The following JMJD1C variants were observed in gnomAD, a reference collection of about 807,000 sequenced individuals.
JMJD1C encodes jumonji domain-containing protein 1C.
In JMJD1C, 31 loss-of-function variants were observed where a neutral mutation model predicts 245.3. The ratio of observed to expected loss-of-function variants is 0.13; its 90% CI spans 0.09 to 0.17. The LOEUF (loss-of-function observed/expected upper bound fraction) is 0.17. Among genes scored for constraint, JMJD1C ranks in the 10% least tolerant of loss-of-function variants. The probability of loss-of-function intolerance (pLI) is 1.00; values close to 1 mark genes in which losing one functional copy is unlikely to be tolerated. For synonymous variants in JMJD1C, 1,057 were observed against 1,017.4 expected (o/e 1.04, Z -0.74); for missense variants, 2,691 against 3,000.2 (o/e 0.90, Z 2.41).
intron 3 of JMJD1C, among the ~76,000 whole-genome samples, chr10:63,238,006 TAAAAAAAAAA>T (rs35736445): frequency 3.6e-5 from 1 of 27,602 alleles, no homozygotes; most frequent in African/African-American, 1.6e-4. Flanking sequence ...CCGTCTCTAC[TAAAAAAAAAA>T]AAAAAAAAAA....
chr10:63,194,392 C>A lies in JMJD1C; in HGVS notation c.5645-17G>T. ...GTTCTTTATCTGTAAGATAATAAAA[C>A]TTGTATATCACACTCATGGTTTCAT... On this transcript the variant is annotated splice_polypyrimidine_tract_variant and intron_variant, in intron 13 of 25. Transcript: ENST00000399262. The A allele has an allele frequency of 6.9e-7, 1 of 1,439,008 alleles. No homozygotes were observed. The allele number at this position is 1,439,008 out of a possible 1,614,324, so 89.1% of individuals were successfully genotyped here.
chr10:63,459,057 T>C (rs1460761346), intron 1 of JMJD1C, among the ~76,000 whole-genome samples: 3 of 152,200 alleles, frequency 2.0e-5, no homozygotes, highest in Non-Finnish European at 4.4e-5. Flanking sequence ...TATGGTAATA[T>C]AGTACAAGTC....
chr10:63,348,330 C>A (rs970300151), intron 2 of JMJD1C, among the ~76,000 whole-genome samples: 32 of 152,226 alleles, frequency 2.1e-4, no homozygotes, highest in Admixed American at 2.1e-3. Flanking sequence ...AGTCATCTCT[C>A]CAATCCATGA....
At chr10:63,389,141 T>C (rs1589647986) in intron 1 of JMJD1C, among the ~76,000 whole-genome samples, 1 of 151,878 alleles carries the variant, frequency 6.6e-6, no homozygotes, top group East Asian at 1.9e-4. Flanking sequence ...CTGGCCAACA[T>C]GGTGAAACCC....
chr10:63,263,638 T>C (rs568263330), intron 3 of JMJD1C, among the ~76,000 whole-genome samples: 6 of 152,200 alleles, frequency 3.9e-5, no homozygotes, highest in African/African-American at 1.4e-4. Context: ...AAACTCTAAA[T>C]ATACAAATGA....
chr10:63,442,970 C>G (rs1280689279), intron 1 of JMJD1C, among the ~76,000 whole-genome samples: 3 of 152,256 alleles, frequency 2.0e-5, no homozygotes, highest in South Asian at 2.1e-4. Flanking sequence ...CATCAGACTC[C>G]ACAGATTTAA....
chr10:63,419,184 G>C (rs779092411), intron 1 of JMJD1C, among the ~76,000 whole-genome samples: 3 of 151,072 alleles, frequency 2.0e-5, no homozygotes, highest in African/African-American at 7.3e-5. Flanking sequence ...TCAGGAGTTC[G>C]AGACCAGCCT....
intron 3 of JMJD1C, chr10:63,222,495 G>A: frequency 9.2e-7 from 1 of 1,086,348 alleles, no homozygotes; most frequent in Non-Finnish European, 1.4e-6. Flanking sequence ...GGAGAATGTG[G>A]ACTTGATTTT....
intron 2 of JMJD1C, among the ~76,000 whole-genome samples, chr10:63,350,505 T>G (rs1014522082): frequency 6.6e-6 from 1 of 152,208 alleles, no homozygotes; most frequent in African/African-American, 2.4e-5. Flanking sequence ...CTCACAACAT[T>G]ACTATGAAGT....
chr10:63,359,792 C>T (rs758055002), intron 2 of JMJD1C, among the ~76,000 whole-genome samples: 7 of 152,074 alleles, frequency 4.6e-5, no homozygotes, highest in Non-Finnish European at 7.4e-5. Flanking sequence ...TATAACTGCT[C>T]TTACAATTTA....
At chr10:63,289,369 T>C (rs1801530101) in intron 2 of JMJD1C, among the ~76,000 whole-genome samples, 1 of 152,228 alleles carries the variant, frequency 6.6e-6, no homozygotes, top group Non-Finnish European at 1.5e-5. Context: ...TAATGATTCA[T>C]TTTGCTAGGC....
intron 1 of JMJD1C, among the ~76,000 whole-genome samples, chr10:63,458,484 TAAA>T (rs766071325): frequency 7.1e-6 from 1 of 141,432 alleles, no homozygotes; most frequent in South Asian, 2.2e-4. Flanking sequence ...ACCCTGTCTT[TAAA>T]AAAAAAAAAA....
Position 63,316,854 on chromosome 10 carries a change from TTTTG to T in JMJD1C, c.334-52094_334-52091del, listed in dbSNP as rs764024089. Among the ~76,000 whole-genome samples, 45 of 152,250 alleles carry T rather than the reference TTTTG, an allele frequency of 3.0e-4. 1 individual carries two copies. The Middle Eastern group carries it at 0.014, about 46-fold the overall frequency. ...TATCCACCACCTTGAGTATTTATCTTTTTGTTTGTTTGTTTTTTGAGATGGAGTC... is the reference window on the plus strand; with the variant it reads ...TATCCACCACCTTGAGTATTTATCTTTTTGTTTGTTTTTTGAGATGGAGTC... On this transcript the variant is annotated intron_variant, in intron 2 of 25. Coordinates refer to ENST00000399262, the MANE Select transcript of JMJD1C (RefSeq NM_032776.3).
chr10:63,279,672 C>T (rs1857185584), intron 2 of JMJD1C, among the ~76,000 whole-genome samples: 1 of 152,066 alleles, frequency 6.6e-6, no homozygotes, highest in Non-Finnish European at 1.5e-5. Flanking sequence ...AGGAGGAGCA[C>T]TTGAGCCCAC....
In JMJD1C at chr10:63,189,262, T is replaced by A; in HGVS notation, c.6476A>T (p.His2159Leu). ...AATATGCTTCTCACAGATCCAAGAA[T>A]GTGGTATATCACTGTATAATTTATT... is the stretch of plus-strand genomic sequence containing the variant. ...ENNKLYSDIP[H>L]SWICEKHILW... Residue 2159 changes from histidine to leucine, a missense_variant, in exon 18 of 26, where the codon CAT becomes CTT. His to Leu is a moderately conservative substitution (Grantham distance 99). Around this residue, in one of 9 missense-constraint regions of JMJD1C, gnomAD observed 275 missense variants for 285.5 expected, o/e 0.96. Coordinates refer to ENST00000399262, the MANE Select transcript of JMJD1C (RefSeq NM_032776.3). The A allele has an allele frequency of 6.2e-7, 1 of 1,613,282 alleles. No individual in the cohort carries two copies. Among genetic ancestry groups the A allele is most frequent in the Non-Finnish European group, 8.5e-7 (1 of 1,179,320 alleles).
intron 24 of JMJD1C, among the ~76,000 whole-genome samples, chr10:63,172,296 A>T (rs1334666368): frequency 6.6e-6 from 1 of 152,252 alleles, no homozygotes; most frequent in Non-Finnish European, 1.5e-5. Flanking sequence ...AGTGGATTCC[A>T]ACCTAAGTAA....
chr10:63,497,478 G>C (rs1954399827), intron 1 of JMJD1C, among the ~76,000 whole-genome samples: 1 of 152,170 alleles, frequency 6.6e-6, no homozygotes. Context: ...ATTAGCGTTT[G>C]CCTCAGCCAG....
In JMJD1C at chr10:63,214,217, A is replaced by G. The variant is rs1362411291; in HGVS notation, c.1950T>C (p.Thr650=). ...TAGACTTTACAGAATCAGGAGAATG[A>G]GTTATTTTGGGTTTAACAACTTCAG... ...PSPEVVKPKI[T]HSPDSVKSKA... Residue 650 remains threonine (T), a synonymous_variant, in exon 8 of 26, where the codon ACT becomes ACC. Transcript: ENST00000399262. The G allele has an allele frequency of 4.3e-6, 7 of 1,613,802 alleles. No homozygotes were observed. The highest frequency in any genetic ancestry group is 5.9e-6 in the Non-Finnish European group (7 of 1,179,970).
chr10:63,325,461 C>T (rs575459153), intron 2 of JMJD1C, among the ~76,000 whole-genome samples: 1 of 152,242 alleles, frequency 6.6e-6, no homozygotes, highest in East Asian at 1.9e-4. Flanking sequence ...TCCAGTTCAC[C>T]CTCTGGAGTA....
Sources: gnomAD v4.1 joint callset for allele counts (sites outside exome capture counted in the v4.1 genomes callset) on GRCh38, gnomAD v4.1.1 for gene constraint, gnomAD v4.1.1 regional missense constraint, MANE v1.5 for transcripts, NCBI Gene and HGNC (gene_info 2026-07-23, HGNC 2026-07-21) for gene names.